Variants in PDE4B observed in about 807,000 individuals in gnomAD.
PDE4B encodes the protein 3',5'-cyclic-AMP phosphodiesterase 4B.
A neutral mutation model predicts 82.2 loss-of-function variants in PDE4B; 20 were observed. The observed-to-expected ratio is 0.24, with a 90% confidence interval of 0.17 to 0.35. PDE4B has a LOEUF of 0.35. Among genes scored for constraint, PDE4B ranks in the 10% least tolerant of loss-of-function variants. The probability of loss-of-function intolerance (pLI) is 1.00; values close to 1 mark genes in which losing one functional copy is unlikely to be tolerated. For synonymous variants in PDE4B, 320 were observed against 318.9 expected (o/e 1.00, Z -0.04); for missense variants, 655 against 907.2 (o/e 0.72, Z 3.57).
intron 3 of PDE4B, among the ~76,000 whole-genome samples, chr1:65,950,857 C>A (rs1648957995): frequency 6.6e-6 from 1 of 152,074 alleles, no homozygotes; most frequent in South Asian, 2.1e-4. Flanking sequence ...ACACCAGCCA[C>A]ATTCACCACA....
intron 7 of PDE4B, among the ~76,000 whole-genome samples, chr1:66,275,027 A>G (rs1655777218): frequency 6.6e-6 from 1 of 152,320 alleles, no homozygotes; most frequent in Admixed American, 6.5e-5. Flanking sequence ...TCTCCAGCTC[A>G]TACATGGGAA....
chr1:66,196,018 CA>C, intron 3 of PDE4B, among the ~76,000 whole-genome samples: 1 of 152,066 alleles, frequency 6.6e-6, no homozygotes, highest in African/African-American at 2.4e-5. Flanking sequence ...CAAGAAGCAG[CA>C]AAAACTATTT....
intron 7 of PDE4B, among the ~76,000 whole-genome samples, chr1:66,303,230 G>A (rs892048955): frequency 6.6e-6 from 1 of 151,838 alleles, no homozygotes; most frequent in Non-Finnish European, 1.5e-5. Flanking sequence ...ATTGCCCTCA[G>A]GGCTGGGAGG....
intron 8 of PDE4B, among the ~76,000 whole-genome samples, chr1:66,340,192 C>G (rs191742466): frequency 1.3e-5 from 2 of 152,178 alleles, no homozygotes; most frequent in African/African-American, 4.8e-5. Flanking sequence ...CTCACTTGTA[C>G]GTGATGTTTC....
At chr1:66,241,740 T>C (rs1405241457) in intron 3 of PDE4B, among the ~76,000 whole-genome samples, 1 of 152,174 alleles carries the variant, frequency 6.6e-6, no homozygotes, top group Non-Finnish European at 1.5e-5. Context: ...ACACACTCTA[T>C]ACAGAAACAT....
intron 3 of PDE4B, among the ~76,000 whole-genome samples, chr1:66,223,280 A>T (rs1161560992): frequency 6.6e-6 from 1 of 152,232 alleles, no homozygotes; most frequent in Non-Finnish European, 1.5e-5. Context: ...ATTCTCAGAC[A>T]GAACACCCTC....
In PDE4B at chr1:65,946,579, C is replaced by T. The variant is rs1648724580; in HGVS notation, c.281+27744C>T. Among the ~76,000 whole-genome samples the T allele has an allele frequency of 2.0e-5, 3 of 151,932 alleles. No homozygotes were observed. In the South Asian group the frequency reaches 6.2e-4, roughly 31 times the overall value. ...GTTTCCATGGTTTGTTACTCATTTT[C>T]TACTGGGGCCCAATGGTATGCCAGG... On this transcript the variant is annotated intron_variant, in intron 3 of 16. Transcript: ENST00000341517.
At chr1:66,070,101 C>T (rs369593347) in intron 3 of PDE4B, among the ~76,000 whole-genome samples, 5 of 152,028 alleles carry the variant, frequency 3.3e-5, no homozygotes, top group East Asian at 3.9e-4. Flanking sequence ...ATCTGTTTCA[C>T]GTTCATACAC....
chr1:66,032,194 C>A (rs577557096), intron 3 of PDE4B, among the ~76,000 whole-genome samples: 2 of 152,128 alleles, frequency 1.3e-5, no homozygotes, highest in African/African-American at 4.8e-5. Context: ...TGAAATAATG[C>A]ATAAGAAGTA....
intron 3 of PDE4B, among the ~76,000 whole-genome samples, chr1:65,952,954 C>T (rs1219209074): frequency 6.6e-6 from 1 of 152,030 alleles, no homozygotes; most frequent in African/African-American, 2.4e-5. Flanking sequence ...TTTCATAGCC[C>T]CCTATCTGCA....
At chr1:66,314,612 CATATT>C (rs1658894149) in intron 7 of PDE4B, among the ~76,000 whole-genome samples, 2 of 152,094 alleles carry the variant, frequency 1.3e-5, no homozygotes, top group Non-Finnish European at 2.9e-5. Context: ...GGGGTTTCAC[CATATT>C]AGCCAGGCTG....
chr1:65,797,154 C>A (rs1271525608), intron 1 of PDE4B, among the ~76,000 whole-genome samples: 3 of 151,840 alleles, frequency 2.0e-5, no homozygotes, highest in African/African-American at 7.3e-5. Flanking sequence ...CGGGGTTTCA[C>A]CATGTTAGCC....
intron 8 of PDE4B, among the ~76,000 whole-genome samples, chr1:66,353,086 G>C (rs1661960638): frequency 6.6e-6 from 1 of 152,122 alleles, no homozygotes; most frequent in Non-Finnish European, 1.5e-5. Context: ...TGTCTTTTGA[G>C]GATTTAAAAT....
chr1:66,141,091 T>TTGTATG (rs1646160950), intron 3 of PDE4B, among the ~76,000 whole-genome samples: 1 of 152,020 alleles, frequency 6.6e-6, no homozygotes, highest in Admixed American at 6.6e-5. Flanking sequence ...ATACATGCAT[T>TTGTATG]TGTATGTGTA....
intron 13 of PDE4B, among the ~76,000 whole-genome samples, chr1:66,367,154 T>A (rs926377345): frequency 3.9e-5 from 6 of 152,146 alleles, no homozygotes; most frequent in Non-Finnish European, 7.4e-5. Flanking sequence ...AAAGTAGTAA[T>A]GTTTAGTATC....
At chr1:65,793,683 C>T (rs990482257) in intron 1 of PDE4B, among the ~76,000 whole-genome samples, 6 of 152,218 alleles carry the variant, frequency 3.9e-5, no homozygotes, top group Non-Finnish European at 8.8e-5. Context: ...CTCCAGGATG[C>T]TCCTGCGTGC....
intron 1 of PDE4B, among the ~76,000 whole-genome samples, chr1:65,838,355 T>C (rs1330868013): frequency 6.6e-6 from 1 of 151,960 alleles, no homozygotes; most frequent in Non-Finnish European, 1.5e-5. Context: ...AAATAAAAAC[T>C]ATAGTAGAAA....
At chr1:66,276,030 C>T (rs1339035568) in intron 7 of PDE4B, among the ~76,000 whole-genome samples, 1 of 152,142 alleles carries the variant, frequency 6.6e-6, no homozygotes, top group African/African-American at 2.4e-5. Flanking sequence ...ATGCTATTTT[C>T]TCTCTGCCCC....
intron 3 of PDE4B, among the ~76,000 whole-genome samples, chr1:66,020,958 C>T (rs1653070469): frequency 6.6e-6 from 1 of 152,206 alleles, no homozygotes; most frequent in Non-Finnish European, 1.5e-5. Flanking sequence ...CCTACTCCTC[C>T]ACATCCTCTC....
Sources: gnomAD v4.1 joint callset for allele counts (sites outside exome capture counted in the v4.1 genomes callset) on GRCh38, gnomAD v4.1.1 for gene constraint, MANE v1.5 for transcripts, NCBI Gene and HGNC (gene_info 2026-07-23, HGNC 2026-07-21) for gene names.